ARHGAP26: variants seen among roughly 807,000 people sequenced by gnomAD.
ARHGAP26 encodes the protein rho GTPase-activating protein 26.
A neutral mutation model predicts 104.8 loss-of-function variants in ARHGAP26; 38 were observed. The observed-to-expected ratio is 0.36, with a 90% CI of 0.28 to 0.48. ARHGAP26 has a LOEUF of 0.48. Among genes scored for constraint, ARHGAP26 ranks in the 20% least tolerant of loss-of-function variants. The pLI, the probability that ARHGAP26 is intolerant of heterozygous loss-of-function variation, is 0.99. For synonymous variants in ARHGAP26, 341 were observed against 340.0 expected (o/e 1.00, Z -0.03); for missense variants, 704 against 947.9 (o/e 0.74, Z 3.38).
chr5:143,012,542 TAC>T lies in ARHGAP26; in HGVS notation c.1108-1536_1108-1535del, dbSNP rs1554195551. Among the ~76,000 whole-genome samples the T allele has an allele frequency of 8.2e-3, 377 of 46,058 alleles. 118 individuals carry two copies. The highest frequency in any genetic ancestry group is 0.018 in the Non-Finnish European group (289 of 16,484). 30.2% of individuals were successfully genotyped at this position (46,058 alleles called of 152,430 possible). On this transcript the variant is annotated intron_variant, in intron 11 of 22. Transcript: ENST00000645722. ...GAGTCACTGGAGGGATATATTTATA[TAC>T]ATACATACATATATATATATATATA...
chr5:143,176,608 C>G (rs1475502419), intron 20 of ARHGAP26, among the ~76,000 whole-genome samples: 1 of 152,158 alleles, frequency 6.6e-6, no homozygotes, highest in East Asian at 1.9e-4. Flanking sequence ...TTTACCTTCG[C>G]CCCAGGGTAG....
chr5:143,166,383 G>A (rs258782), intron 20 of ARHGAP26, among the ~76,000 whole-genome samples: 34,192 of 152,048 alleles, frequency 0.22, 4,444 homozygotes, highest in East Asian at 0.4. Flanking sequence ...ATAAGGAGGT[G>A]GAGCCACTTG....
chr5:143,136,766 C>T (rs1797963328), intron 19 of ARHGAP26, among the ~76,000 whole-genome samples: 1 of 152,224 alleles, frequency 6.6e-6, no homozygotes, highest in African/African-American at 2.4e-5. Context: ...TTTTCACACA[C>T]TTCACCTTTC....
rs1554195775 is a variant in ARHGAP26, at chr5:143,012,577, T to TATATATATATATATATATATATATAAA, written c.1108-1501_1108-1500insATATATATATATATATATATATAAAAT. The stretch of plus-strand genomic sequence containing the variant: ...CATATATATATATATATATATATAT[T>TATATATATATATATATATATATATAAA]ATGATCAGGTTCACCTTATGCCTTT... On this transcript the variant is annotated intron_variant, in intron 11 of 22. Transcript: ENST00000645722. Among the ~76,000 whole-genome samples, 3 of 19,094 alleles carry TATATATATATATATATATATATATAAA rather than the reference T, an allele frequency of 1.6e-4. No individual in the cohort carries two copies. The South Asian group carries it at 3.1e-3, about 20-fold the overall frequency. 12.5% of individuals were successfully genotyped at this position (19,094 alleles called of 152,430 possible).
At chr5:142,865,204 C>T (rs953939444) in intron 1 of ARHGAP26, among the ~76,000 whole-genome samples, 1 of 152,118 alleles carries the variant, frequency 6.6e-6, no homozygotes, top group South Asian at 2.1e-4. Context: ...GAGTTTTCAT[C>T]GGAGATCCAA....
In ARHGAP26 at chr5:142,893,165, A is replaced by G. The variant is rs534297028; in HGVS notation, c.487-1073A>G. Among the ~76,000 whole-genome samples the G allele has an allele frequency of 1.3e-4, 20 of 152,096 alleles. No individual in the cohort carries two copies. In the South Asian group the frequency reaches 3.3e-3, roughly 25 times the overall value. Reference sequence around the variant, plus strand: ...GCTAATTTTTGTATTTTTAGTAGAGATGGGGTTTCACCATGTTGGCCAGGA... The same window carrying G: ...GCTAATTTTTGTATTTTTAGTAGAGGTGGGGTTTCACCATGTTGGCCAGGA... On this transcript the variant is annotated intron_variant, in intron 5 of 22. Transcript: ENST00000645722.
intron 8 of ARHGAP26, among the ~76,000 whole-genome samples, chr5:142,905,343 CTT>C (rs536455238): frequency 2.0e-5 from 3 of 152,138 alleles, no homozygotes; most frequent in African/African-American, 7.2e-5. Context: ...CATGAGGACA[CTT>C]TTTTGTTCCC....
At chr5:142,903,784 C>A in intron 8 of ARHGAP26, 115 bp downstream of exon 8, 1 of 1,099,084 alleles carries the variant, frequency 9.1e-7, no homozygotes, top group Non-Finnish European at 1.3e-6. Context: ...ATAACAAGAA[C>A]AATTTTATAG....
At chr5:142,781,502 G>T (rs1757481913) in intron 1 of ARHGAP26, among the ~76,000 whole-genome samples, 1 of 151,976 alleles carries the variant, frequency 6.6e-6, no homozygotes, top group South Asian at 2.1e-4. Context: ...ACTGTCCCAA[G>T]GCAGAAGTAT....
At chr5:143,148,094 G>A (rs543029100) in intron 20 of ARHGAP26, among the ~76,000 whole-genome samples, 10 of 152,208 alleles carry the variant, frequency 6.6e-5, no homozygotes, top group Non-Finnish European at 1.2e-4. Context: ...GTCAACTAGC[G>A]CCTTTGCAGA....
At chr5:143,003,895 C>G (rs956541874) in intron 11 of ARHGAP26, among the ~76,000 whole-genome samples, 7 of 151,984 alleles carry the variant, frequency 4.6e-5, no homozygotes, top group African/African-American at 1.7e-4. Flanking sequence ...AAAACTTCAT[C>G]CAGATTAAAT....
In ARHGAP26 at chr5:143,071,014, A is replaced by AGT. The variant is rs1788173292; in HGVS notation, c.1538+13268_1538+13269dup. On this transcript the variant is annotated intron_variant, in intron 17 of 22. Coordinates refer to ENST00000645722, the MANE Select transcript of ARHGAP26 (RefSeq NM_001135608.3). ...ACAAAAGACCGTGAATAGCAAAAGC[A>AGT]GTCCTAAGAAAGAACAAAGCTAGTG... Among the ~76,000 whole-genome samples, 4 of 152,362 alleles carry AGT rather than the reference A, an allele frequency of 2.6e-5. No homozygotes were observed. The South Asian group carries it at 8.3e-4, about 32-fold the overall frequency.
At chr5:142,894,570 C>A (rs1042644548) in intron 6 of ARHGAP26, among the ~76,000 whole-genome samples, 1 of 152,204 alleles carries the variant, frequency 6.6e-6, no homozygotes, top group African/African-American at 2.4e-5. Context: ...GTCCAGCAGT[C>A]ATTCCTTCCT....
At chr5:143,020,227 C>T (rs1598659263) in intron 12 of ARHGAP26, among the ~76,000 whole-genome samples, 1 of 152,170 alleles carries the variant, frequency 6.6e-6, no homozygotes, top group East Asian at 1.9e-4. Context: ...GGATTATAGG[C>T]ATGAGCCACC....
At chr5:143,195,838 G>C (rs1387534231) in intron 20 of ARHGAP26, among the ~76,000 whole-genome samples, 3 of 151,276 alleles carry the variant, frequency 2.0e-5, no homozygotes, top group Non-Finnish European at 4.4e-5. Flanking sequence ...TATTTATTAA[G>C]TTGTGGTTAT....
chr5:143,102,103 G>T (rs1358834606), intron 17 of ARHGAP26, among the ~76,000 whole-genome samples: 1 of 152,072 alleles, frequency 6.6e-6, no homozygotes, highest in Non-Finnish European at 1.5e-5. Context: ...GGTTGGTGGT[G>T]GTTTTGTTTC....
chr5:143,121,823 G>A (rs779168674), intron 18 of ARHGAP26, among the ~76,000 whole-genome samples: 4 of 152,128 alleles, frequency 2.6e-5, no homozygotes, highest in African/African-American at 4.8e-5. Flanking sequence ...CCACTTCATT[G>A]CTCTTATGAG....
intron 20 of ARHGAP26, among the ~76,000 whole-genome samples, chr5:143,149,945 T>C (rs753115525): frequency 6.6e-6 from 1 of 152,156 alleles, no homozygotes; most frequent in Non-Finnish European, 1.5e-5. Context: ...GAAAGAAACA[T>C]GTTTGTTACT....
chr5:143,014,397 G>A (rs1032777087), intron 12 of ARHGAP26: 24 of 498,680 alleles, frequency 4.8e-5, no homozygotes, highest in Non-Finnish European at 8.0e-5. Context: ...TCCTTTAATC[G>A]TAGGTCTTAA....
Sources: allele counts gnomAD v4.1 joint callset (sites outside exome capture counted in the v4.1 genomes callset), GRCh38; gene constraint gnomAD v4.1.1; transcripts MANE v1.5; gene names NCBI Gene and HGNC (gene_info 2026-07-23, HGNC 2026-07-21).